Variants in VWA8 observed in about 807,000 individuals in gnomAD.
VWA8 encodes von Willebrand factor A domain containing 8, also known as von Willebrand factor A domain-containing protein 8.
Under a neutral mutation model 241.5 loss-of-function variants are expected in VWA8, and 221 were observed. The observed-to-expected ratio is 0.91, with a 90% CI of 0.82 to 1.02. The LOEUF is 1.02. Ranked by LOEUF, VWA8 falls within the 50% of genes least tolerant of loss-of-function variation. The pLI is 0.00. For synonymous variants in VWA8, 852 were observed against 827.1 expected, an observed-to-expected ratio of 1.03 and a Z score of -0.52; for missense variants, 2,322 against 2,328.7, an observed-to-expected ratio of 1.00 and a Z score of 0.06.
intron 42 of VWA8, among the ~76,000 whole-genome samples, chr13:41,581,669 C>T (rs921178384): frequency 5.3e-5 from 8 of 150,740 alleles, no homozygotes; most frequent in Non-Finnish European, 1.0e-4. Flanking sequence ...GTTTATATGC[C>T]TTCACAGAAA....
chr13:41,836,021 T>C (rs902570424), intron 12 of VWA8, among the ~76,000 whole-genome samples: 2 of 152,186 alleles, frequency 1.3e-5, no homozygotes, highest in Non-Finnish European at 1.5e-5. Flanking sequence ...AGATTCTGAT[T>C]CATCAGGGCC....
chr13:41,624,081 A>G (rs1413053229), intron 37 of VWA8, among the ~76,000 whole-genome samples: 7 of 152,202 alleles, frequency 4.6e-5, no homozygotes, highest in Admixed American at 4.6e-4. Context: ...GAAGAAATGG[A>G]TAAATTCTTA....
chr13:41,680,453 A>G (rs2045090963), intron 35 of VWA8, among the ~76,000 whole-genome samples: 2 of 152,046 alleles, frequency 1.3e-5, no homozygotes, highest in African/African-American at 4.8e-5. Context: ...TTCTTCCCCC[A>G]TGCCAGACAT....
At chr13:41,879,889 A>C (rs1213206135) in intron 9 of VWA8, among the ~76,000 whole-genome samples, 1 of 152,224 alleles carries the variant, frequency 6.6e-6, no homozygotes, top group African/African-American at 2.4e-5. Flanking sequence ...CTTAGTGGTC[A>C]CATTCTATTT....
At chr13:41,727,076 C>T (rs2045441524) in intron 24 of VWA8, 118 bp downstream of exon 24, 1 of 772,248 alleles carries the variant, frequency 1.3e-6, no homozygotes, top group African/African-American at 1.9e-5. Flanking sequence ...AATATTCTCA[C>T]AAGGTGATTA....
chr13:41,826,813 G>A (rs1871191676), intron 14 of VWA8, among the ~76,000 whole-genome samples: 1 of 152,134 alleles, frequency 6.6e-6, no homozygotes, highest in Non-Finnish European at 1.5e-5. Context: ...GTTCAAGGCT[G>A]CAGTGAGCCG....
At chr13:41,749,746 A>G (rs1237599553) in intron 21 of VWA8, among the ~76,000 whole-genome samples, 3 of 152,140 alleles carry the variant, frequency 2.0e-5, no homozygotes, top group African/African-American at 7.2e-5. Flanking sequence ...TCAGCAAACT[A>G]TCGCAAGGAC....
rs113717956 is a variant in VWA8, at chr13:41,582,865, G to A, written c.5271+4647C>T. ...GAGGAGCTGGGAGCTGAGAGGGGGC[G>A]GGCAGTGGCTTACTCTTCACTCTTC... On this transcript the variant is annotated intron_variant, in intron 42 of 44. Coordinates refer to ENST00000379310, the MANE Select transcript of VWA8 (RefSeq NM_015058.2). Among the ~76,000 whole-genome samples, 876 of 152,172 alleles carry A rather than the reference G, an allele frequency of 5.8e-3. 4 individuals are homozygous for A. The highest frequency in any genetic ancestry group is 0.011 in the Non-Finnish European group (721 of 68,000).
chr13:41,850,635 C>T (rs1566481107), intron 12 of VWA8, among the ~76,000 whole-genome samples: 3 of 152,294 alleles, frequency 2.0e-5, no homozygotes, highest in African/African-American at 4.8e-5. Flanking sequence ...CCTAAGGACT[C>T]CATTAGCAAG....
intron 37 of VWA8, among the ~76,000 whole-genome samples, chr13:41,667,184 C>T (rs2044992328): frequency 6.6e-6 from 1 of 152,038 alleles, no homozygotes; most frequent in Non-Finnish European, 1.5e-5. Context: ...ACTTAATATC[C>T]AACTGAGATC....
chr13:41,755,880 A>C (rs994753226), intron 21 of VWA8, among the ~76,000 whole-genome samples: 2 of 151,908 alleles, frequency 1.3e-5, no homozygotes, highest in Non-Finnish European at 2.9e-5. Context: ...ATAAAGATTG[A>C]AAATCAATAA....
intron 37 of VWA8, 137 bp from the exon 38 acceptor site, chr13:41,615,221 G>A: frequency 2.5e-6 from 2 of 784,892 alleles, no homozygotes; most frequent in Non-Finnish European, 3.9e-6. Context: ...TAAATGCTGT[G>A]AGTATTTGGC....
chr13:41,891,341 G>C (rs1035111928), intron 5 of VWA8, 79 bp downstream of exon 5: 1 of 1,544,760 alleles, frequency 6.5e-7, no homozygotes. Context: ...GATTCCAACA[G>C]AGCCATGTCT....
At chr13:41,618,516 T>G (rs1227578662) in intron 37 of VWA8, among the ~76,000 whole-genome samples, 1 of 152,252 alleles carries the variant, frequency 6.6e-6, no homozygotes, top group Non-Finnish European at 1.5e-5. Flanking sequence ...TTGTTGCCAT[T>G]GCTTTCGGTG....
At chr13:41,859,766 G>A (rs1009449710) in intron 12 of VWA8, among the ~76,000 whole-genome samples, 4 of 152,240 alleles carry the variant, frequency 2.6e-5, no homozygotes, top group African/African-American at 9.6e-5. Context: ...TCAAATCTGT[G>A]TTAAAGCTCT....
At chr13:41,937,660 G>A (rs953601535) in intron 2 of VWA8, among the ~76,000 whole-genome samples, 1 of 152,256 alleles carries the variant, frequency 6.6e-6, no homozygotes, top group Middle Eastern at 3.4e-3. Flanking sequence ...GTTATACCAT[G>A]TAGGTTTGTG....
At chr13:41,779,726 G>C (rs2137931748) in intron 19 of VWA8, among the ~76,000 whole-genome samples, 1 of 152,210 alleles carries the variant, frequency 6.6e-6, no homozygotes, top group South Asian at 2.1e-4. Flanking sequence ...AGTAATAAAT[G>C]GGCTAATCTA....
intron 17 of VWA8, among the ~76,000 whole-genome samples, chr13:41,796,073 A>T (rs575873449): frequency 3.3e-5 from 5 of 152,332 alleles, no homozygotes; most frequent in Non-Finnish European, 5.9e-5. Flanking sequence ...CATAATTTGA[A>T]ATTACTCATA....
intron 4 of VWA8, among the ~76,000 whole-genome samples, chr13:41,904,115 C>A (rs1209106785): frequency 6.6e-6 from 1 of 152,044 alleles, no homozygotes; most frequent in Non-Finnish European, 1.5e-5. Flanking sequence ...TAAAAATATT[C>A]TTTTTAGAAG....
Sources: allele counts gnomAD v4.1 joint callset (sites outside exome capture counted in the v4.1 genomes callset), GRCh38; gene constraint gnomAD v4.1.1; transcripts MANE v1.5; gene names NCBI Gene and HGNC (gene_info 2026-07-23, HGNC 2026-07-21).